TRIM67: variants seen among roughly 807,000 people sequenced by gnomAD.
TRIM67 encodes the protein tripartite motif-containing protein 67.
Under a neutral mutation model 71.0 loss-of-function variants are expected in TRIM67, and 39 were observed. The ratio of observed to expected loss-of-function variants is 0.55; its 90% confidence interval spans 0.43 to 0.72. The LOEUF (loss-of-function observed/expected upper bound fraction) is 0.72, where lower values mean the gene tolerates loss of function less well. Among genes scored for constraint, TRIM67 ranks in the 30% least tolerant of loss-of-function variants. The pLI is 0.00. For missense variants in TRIM67, 973 were observed against 1,079.2 expected (o/e 0.90, Z 1.38); for synonymous variants, 481 against 473.9 (o/e 1.01, Z -0.19).
intron 1 of TRIM67, among the ~76,000 whole-genome samples, chr1:231,170,939 A>G (rs573745419): frequency 1.3e-5 from 2 of 152,374 alleles, no homozygotes; most frequent in East Asian, 3.9e-4. Flanking sequence ...CAGCATCAGC[A>G]TCAACCTGGG....
Position 231,220,253 on chromosome 1 carries a change from A to G in TRIM67, c.*4813A>G. 3.2e-6 allele frequency: 1 copy of G among 309,984 alleles called. No individual in the cohort carries two copies. Among genetic ancestry groups the G allele is most frequent in the Non-Finnish European group, 6.3e-6 (1 of 157,524 alleles). The allele number at this position is 309,984 out of a possible 1,614,324, so 19.2% of individuals were successfully genotyped here. ...AGGAGCTGCCTGGCCTCCAGTGGGT[A>G]AAATAGACCTTTAAGACAGGTTTCC... On this transcript the variant is annotated 3_prime_UTR_variant, in exon 10 of 10. Transcript: ENST00000366653.
intron 1 of TRIM67, among the ~76,000 whole-genome samples, chr1:231,188,105 C>G (rs1198727364): frequency 6.6e-6 from 1 of 152,102 alleles, no homozygotes; most frequent in African/African-American, 2.4e-5. Flanking sequence ...CCCTTCCACC[C>G]CTCCATCACA....
chr1:231,210,775 T>C (rs965200680), intron 8 of TRIM67, among the ~76,000 whole-genome samples: 1 of 151,932 alleles, frequency 6.6e-6, no homozygotes, highest in Non-Finnish European at 1.5e-5. Flanking sequence ...AATGGTGGCT[T>C]GCACCTGCAA....
chr1:231,208,900 C>T (rs758806816), intron 7 of TRIM67, 47 bp from the exon 8 acceptor site: 1 of 1,513,306 alleles, frequency 6.6e-7, no homozygotes, highest in Admixed American at 2.1e-5. Context: ...AAACTACTAG[C>T]AAATTCCATC....
intron 2 of TRIM67, among the ~76,000 whole-genome samples, chr1:231,197,831 AAAG>A (rs546170131): frequency 3.2e-4 from 48 of 150,306 alleles, no homozygotes; most frequent in East Asian, 2.8e-3. Flanking sequence ...GTCTCAAAGA[AAAG>A]AAGAAGAAGA....
At chr1:231,205,496 C>T (rs1277003829) in intron 6 of TRIM67, among the ~76,000 whole-genome samples, 3 of 152,016 alleles carry the variant, frequency 2.0e-5, no homozygotes, top group African/African-American at 4.8e-5. Flanking sequence ...GAGGCCAAGG[C>T]GGATGGATCA....
Position 231,219,073 on chromosome 1 carries a change from C to T in TRIM67, c.*3633C>T. ...GTGTCAAGGAGGCTGCTGCTGGTCC[C>T]ATGGCCACCTGCTGGCTTTGAGGTA... On this transcript the variant is annotated 3_prime_UTR_variant, in exon 10 of 10. Coordinates refer to ENST00000366653, the MANE Select transcript of TRIM67 (RefSeq NM_001004342.5). 1 of 985,568 alleles carries T rather than the reference C, an allele frequency of 1.0e-6. No homozygotes were observed. Among genetic ancestry groups the T allele is most frequent in the Non-Finnish European group, 1.2e-6 (1 of 830,034 alleles). 61.1% of individuals were successfully genotyped at this position (985,568 alleles called of 1,614,324 possible). A position where few individuals can be genotyped will look rare whatever the true frequency, so the allele number is the denominator to read the frequency against.
Position 231,217,349 on chromosome 1 carries a change from C to T in TRIM67, c.*1909C>T. 1 of 985,994 alleles carries T rather than the reference C, an allele frequency of 1.0e-6. No homozygotes were observed. Among genetic ancestry groups the T allele is most frequent in the Non-Finnish European group, 1.2e-6 (1 of 830,366 alleles). 61.1% of individuals were successfully genotyped at this position (985,994 alleles called of 1,614,324 possible). A position where few individuals can be genotyped will look rare whatever the true frequency, so the allele number is the denominator to read the frequency against. On this transcript the variant is annotated 3_prime_UTR_variant, in exon 10 of 10. Transcript: ENST00000366653. ...CCAAGCGGTTTCTGGGTCTCCTCCTCCCATCCCAGAGCCCTGTCCAGAGCT... is the reference window on the plus strand; with the variant it reads ...CCAAGCGGTTTCTGGGTCTCCTCCTTCCATCCCAGAGCCCTGTCCAGAGCT...
intron 1 of TRIM67, chr1:231,187,711 G>A (rs898870003): frequency 2.6e-6 from 2 of 761,914 alleles, no homozygotes; most frequent in Non-Finnish European, 4.1e-6. Flanking sequence ...GGGTGGGAAA[G>A]GCGGGCAGAA....
intron 8 of TRIM67, among the ~76,000 whole-genome samples, chr1:231,211,531 A>G (rs1201040801): frequency 1.3e-5 from 2 of 152,106 alleles, no homozygotes; most frequent in Admixed American, 6.5e-5. Flanking sequence ...TAGCATCAAC[A>G]GTGCGGTTTT....
intron 5 of TRIM67, among the ~76,000 whole-genome samples, chr1:231,203,032 C>A (rs1459466043): frequency 3.9e-5 from 6 of 152,134 alleles, no homozygotes; most frequent in Admixed American, 2.0e-4. Context: ...GGACTCCTAC[C>A]AGCTCGTTAA....
chr1:231,192,133 C>A (rs1683245008), intron 1 of TRIM67, among the ~76,000 whole-genome samples: 1 of 152,116 alleles, frequency 6.6e-6, no homozygotes, highest in Non-Finnish European at 1.5e-5. Context: ...ATGATTACAC[C>A]ACTGCACTCC....
rs537195395 is a variant in TRIM67 at position 231,185,000 on chromosome 1, C to T, written c.1045-12371C>T. The T allele has an allele frequency of 8.5e-6, 13 of 1,531,914 alleles. 2 individuals are homozygous for T. Among genetic ancestry groups the T allele is most frequent in the African/African-American group, 8.3e-5 (6 of 72,572 alleles). The allele number at this position is 1,531,914 out of a possible 1,614,324, so 94.9% of individuals were successfully genotyped here. On this transcript the variant is annotated intron_variant, in intron 1 of 9. Coordinates refer to ENST00000366653, the MANE Select transcript of TRIM67 (RefSeq NM_001004342.5). ...GCAGTGCTCCTGAATGGGTGGCCGG[C>T]AGGTTGGGGAGGGTCAGCTTATTCT...
intron 6 of TRIM67, 121 bp downstream of exon 6, chr1:231,204,133 C>A: frequency 7.0e-7 from 1 of 1,419,940 alleles, no homozygotes; most frequent in Non-Finnish European, 9.5e-7. Context: ...CCTGAGGGGA[C>A]ACTGGCCAAA....
chr1:231,216,409 A>T lies in TRIM67; in HGVS notation c.*969A>T. 1 of 985,484 alleles carries T rather than the reference A, an allele frequency of 1.0e-6. No individual in the cohort carries two copies. Among genetic ancestry groups the T allele is most frequent in the South Asian group, 4.7e-5 (1 of 21,290 alleles). 61.0% of individuals were successfully genotyped at this position (985,484 alleles called of 1,614,324 possible). On this transcript the variant is annotated 3_prime_UTR_variant, in exon 10 of 10. Coordinates refer to ENST00000366653, the MANE Select transcript of TRIM67 (RefSeq NM_001004342.5). ...CTATGTCATAGGTCTTCGCCTGGTG[A>T]TGGCTCCTTTCTGAAACTGGCAGCC...
intron 1 of TRIM67, among the ~76,000 whole-genome samples, chr1:231,177,540 C>T (rs572355753): frequency 2.6e-5 from 4 of 152,204 alleles, no homozygotes; most frequent in Admixed American, 6.5e-5. Flanking sequence ...GCTGATTACT[C>T]TCTGGTCTCT....
At chr1:231,207,104 A>G (rs1387735544) in intron 7 of TRIM67, among the ~76,000 whole-genome samples, 4 of 152,196 alleles carry the variant, frequency 2.6e-5, no homozygotes, top group Non-Finnish European at 5.9e-5. Flanking sequence ...CTCTGCACAC[A>G]CAGCTCTTTG....
At chr1:231,188,935 T>C (rs1043159606) in intron 1 of TRIM67, among the ~76,000 whole-genome samples, 1 of 152,162 alleles carries the variant, frequency 6.6e-6, no homozygotes, top group African/African-American at 2.4e-5. Flanking sequence ...AAAAATGACA[T>C]TGTTCTCCAC....
At chr1:231,202,508 C>T (rs973077227) in intron 5 of TRIM67, among the ~76,000 whole-genome samples, 1 of 152,036 alleles carries the variant, frequency 6.6e-6, no homozygotes, top group Admixed American at 6.6e-5. Flanking sequence ...CATAACTTGC[C>T]CCATTATGAA....
Sources: gnomAD v4.1 joint callset for allele counts (sites outside exome capture counted in the v4.1 genomes callset) on GRCh38, gnomAD v4.1.1 for gene constraint, MANE v1.5 for transcripts, NCBI Gene and HGNC (gene_info 2026-07-23, HGNC 2026-07-21) for gene names.